Variants in SGCZ observed in about 807,000 individuals in gnomAD.
SGCZ encodes sarcoglycan zeta.
A neutral mutation model predicts 41.3 loss-of-function variants in SGCZ; 40 were observed. That is an observed-to-expected ratio of 0.97 (90% CI 0.75 to 1.26). The LOEUF (loss-of-function observed/expected upper bound fraction) is 1.26, where lower values mean the gene tolerates loss of function less well. Ranked by LOEUF, SGCZ falls within the 50% of genes most tolerant of loss-of-function variation. The pLI is 0.00. For synonymous variants in SGCZ, 206 were observed against 137.5 expected (o/e 1.50, Z -3.49); for missense variants, 552 against 369.8 (o/e 1.49, Z -4.04).
intron 2 of SGCZ, among the ~76,000 whole-genome samples, chr8:14,513,015 G>A (rs975191430): frequency 1.3e-5 from 2 of 152,130 alleles, no homozygotes; most frequent in Non-Finnish European, 2.9e-5. Context: ...AGCTGATAAA[G>A]TTCCAAATCT....
intron 1 of SGCZ, among the ~76,000 whole-genome samples, chr8:14,708,986 C>T (rs17322000): frequency 6.6e-6 from 1 of 151,886 alleles, no homozygotes; most frequent in Non-Finnish European, 1.5e-5. Context: ...TCATCTTGAC[C>T]CAATTTATAA....
chr8:14,388,205 TA>T lies in SGCZ; in HGVS notation c.235-64002del, dbSNP rs201244046. Among the ~76,000 whole-genome samples, 1,341 of 152,046 alleles carry T rather than the reference TA, an allele frequency of 8.8e-3. 13 individuals are homozygous for T. The highest frequency in any genetic ancestry group is 0.019 in the South Asian group (93 of 4,818). On this transcript the variant is annotated intron_variant, in intron 2 of 7. Transcript: ENST00000382080. Reference sequence around the variant, plus strand: ...TATATTGCCTGATACGAAAAAAAGTTAAAAAAATCCTAATTTCCAAGGACAA... The same window carrying T: ...TATATTGCCTGATACGAAAAAAAGTTAAAAAATCCTAATTTCCAAGGACAA...
At chr8:14,938,226 A>G (rs1199246906) in intron 1 of SGCZ, among the ~76,000 whole-genome samples, 5 of 152,184 alleles carry the variant, frequency 3.3e-5, no homozygotes, top group African/African-American at 1.2e-4. Flanking sequence ...CGTTAGAATA[A>G]GCCAGAAATG....
chr8:14,131,712 A>C (rs1264028964), intron 5 of SGCZ, among the ~76,000 whole-genome samples: 6 of 152,172 alleles, frequency 3.9e-5, no homozygotes. Flanking sequence ...ATTTCTTCAA[A>C]TAAGCCATGA....
At position 14,513,381 on chromosome 8, in the gene SGCZ, AC is replaced by A. The variant is rs1208929395; in HGVS notation, c.234+41350del. Among the ~76,000 whole-genome samples, 5 of 152,182 alleles carry A rather than the reference AC, an allele frequency of 3.3e-5. No individual in the cohort carries two copies. The East Asian group carries it at 9.7e-4, about 29-fold the overall frequency. ...ACGAAAAAGTATTTCATTTTACTAT[AC>A]TGTTGTGTTAGAGAAAAATTGTTTT... is the stretch of plus-strand genomic sequence containing the variant. On this transcript the variant is annotated intron_variant, in intron 2 of 7. Coordinates refer to ENST00000382080, the MANE Select transcript of SGCZ (RefSeq NM_139167.4).
chr8:14,443,365 C>A (rs1338158561), intron 2 of SGCZ, among the ~76,000 whole-genome samples: 1 of 152,064 alleles, frequency 6.6e-6, no homozygotes, highest in Non-Finnish European at 1.5e-5. Context: ...CAATCCTAAG[C>A]CAAAAGGACA....
chr8:14,627,341 C>G (rs968508282), intron 1 of SGCZ, among the ~76,000 whole-genome samples: 6 of 152,058 alleles, frequency 3.9e-5, no homozygotes, highest in African/African-American at 1.4e-4. Flanking sequence ...TTTGGAGGGA[C>G]GGATCATCAG....
At chr8:14,152,408 G>A (rs1370964427) in intron 5 of SGCZ, among the ~76,000 whole-genome samples, 2 of 152,152 alleles carry the variant, frequency 1.3e-5, no homozygotes, top group Non-Finnish European at 2.9e-5. Context: ...AAATACTTGT[G>A]GTCCCAACTA....
intron 1 of SGCZ, among the ~76,000 whole-genome samples, chr8:14,771,046 A>C (rs1308904561): frequency 6.6e-6 from 1 of 152,134 alleles, no homozygotes; most frequent in Non-Finnish European, 1.5e-5. Context: ...CAAAAAACAG[A>C]GAGAAAAGGT....
At chr8:14,703,353 C>A (rs1809229997) in intron 1 of SGCZ, among the ~76,000 whole-genome samples, 1 of 151,916 alleles carries the variant, frequency 6.6e-6, no homozygotes, top group African/African-American at 2.4e-5. Flanking sequence ...GTGTTCCCTT[C>A]TTTGCCTGGG....
intron 1 of SGCZ, among the ~76,000 whole-genome samples, chr8:14,793,192 G>C (rs1238154126): frequency 1.3e-5 from 2 of 152,102 alleles, no homozygotes; most frequent in Non-Finnish European, 2.9e-5. Context: ...AAATGTAGCT[G>C]AAAATACCCA....
At chr8:14,107,252 C>A (rs972803112) in intron 6 of SGCZ, among the ~76,000 whole-genome samples, 3 of 148,296 alleles carry the variant, frequency 2.0e-5, no homozygotes, top group South Asian at 2.2e-4. Context: ...AAAAAAAAAA[C>A]ATCCACTGAG....
chr8:14,484,631 A>C (rs1329844689), intron 2 of SGCZ, among the ~76,000 whole-genome samples: 1 of 152,164 alleles, frequency 6.6e-6, no homozygotes, highest in Non-Finnish European at 1.5e-5. Flanking sequence ...GGTTTTAAGA[A>C]ATATACATTT....
rs77170580 is a variant in SGCZ, at chr8:14,218,598, T to C, written c.424+18994A>G. ...AATGCATTCTTAAATGTGTTTATGT[T>C]AAATGACATTTTAATGTGCATTTCT... is the stretch of plus-strand genomic sequence containing the variant. On this transcript the variant is annotated intron_variant, in intron 4 of 7. Transcript: ENST00000382080. Among the ~76,000 whole-genome samples, 1,135 of 152,380 alleles carry C rather than the reference T, an allele frequency of 7.4e-3. 16 individuals carry two copies. The highest frequency in any genetic ancestry group is 0.025 in the African/African-American group (1,042 of 41,590).
chr8:14,884,293 C>T (rs1204779832), intron 1 of SGCZ, among the ~76,000 whole-genome samples: 1 of 151,976 alleles, frequency 6.6e-6, no homozygotes, highest in Non-Finnish European at 1.5e-5. Flanking sequence ...TTTTGATGCA[C>T]CTTATTGGGC....
At chr8:14,926,575 G>A (rs1033289029) in intron 1 of SGCZ, among the ~76,000 whole-genome samples, 1 of 151,846 alleles carries the variant, frequency 6.6e-6, no homozygotes, top group Non-Finnish European at 1.5e-5. Flanking sequence ...ATTTCTTGGG[G>A]AAATATATTT....
chr8:15,227,997 T>C (rs189771719), intron 1 of SGCZ, among the ~76,000 whole-genome samples: 4 of 152,230 alleles, frequency 2.6e-5, no homozygotes, highest in Non-Finnish European at 4.4e-5. Context: ...TTAAATCGTA[T>C]CTTTCCAGAA....
At chr8:14,567,935 G>T (rs923193026) in intron 1 of SGCZ, among the ~76,000 whole-genome samples, 1 of 152,140 alleles carries the variant, frequency 6.6e-6, no homozygotes, top group African/African-American at 2.4e-5. Context: ...AAAAACTCTG[G>T]ACATGCCGCT....
At chr8:15,093,490 C>G (rs914232809) in intron 1 of SGCZ, among the ~76,000 whole-genome samples, 1 of 152,106 alleles carries the variant, frequency 6.6e-6, no homozygotes, top group Non-Finnish European at 1.5e-5. Flanking sequence ...ATAACAGTTG[C>G]TTAGAAAAGG....
Sources: allele counts gnomAD v4.1 joint callset (sites outside exome capture counted in the v4.1 genomes callset), GRCh38; gene constraint gnomAD v4.1.1; transcripts MANE v1.5; gene names NCBI Gene and HGNC (gene_info 2026-07-23, HGNC 2026-07-21).